Variants in KSR2 observed in about 807,000 individuals in gnomAD.
The protein encoded by KSR2 is kinase suppressor of ras 2.
In KSR2, 25 loss-of-function variants were observed where a neutral mutation model predicts 107.8. The ratio of observed to expected loss-of-function variants is 0.23; its 90% confidence interval spans 0.17 to 0.32. The LOEUF is 0.32. Ranked by LOEUF, KSR2 falls within the 10% of genes least tolerant of loss-of-function variation. KSR2 has a pLI of 1.00. For missense variants in KSR2, 887 were observed against 1,268.9 expected (o/e 0.70, Z 4.57); for synonymous variants, 480 against 507.0 (o/e 0.95, Z 0.71).
At chr12:117,471,485 C>T (rs796286817) in intron 17 of KSR2, among the ~76,000 whole-genome samples, 165 bp from the exon 18 acceptor site, 11 of 152,258 alleles carry the variant, frequency 7.2e-5, no homozygotes, top group African/African-American at 2.6e-4. Flanking sequence ...ATACCTAAAG[C>T]TTTCTTAATG....
intron 10 of KSR2, among the ~76,000 whole-genome samples, chr12:117,532,781 C>G (rs1050322500): frequency 6.6e-6 from 1 of 152,004 alleles, no homozygotes; most frequent in South Asian, 2.1e-4. Flanking sequence ...GGGGGCCAAG[C>G]GGTGTTGGGG....
intron 14 of KSR2, among the ~76,000 whole-genome samples, chr12:117,499,276 C>T (rs557766334): frequency 6.6e-4 from 101 of 152,332 alleles, no homozygotes; most frequent in Middle Eastern, 3.4e-3. Context: ...ATAGCCCCCA[C>T]GGTGTTAGCA....
rs1278010804 is a variant in KSR2, at chr12:117,886,676, G to A, written c.181-26245C>T. Among the ~76,000 whole-genome samples, 5 of 152,076 alleles carry A rather than the reference G, an allele frequency of 3.3e-5. No individual in the cohort carries two copies. In the East Asian group the frequency reaches 5.8e-4, roughly 18 times the overall value. ...CCCCGTCATTTAGCGACATATGACA[G>A]TATACATATAATTATATATAATATA... On this transcript the variant is annotated intron_variant, in intron 1 of 19. Coordinates refer to ENST00000339824, the MANE Select transcript of KSR2 (RefSeq NM_173598.6).
intron 5 of KSR2, among the ~76,000 whole-genome samples, chr12:117,624,833 T>A (rs1463671735): frequency 1.3e-5 from 2 of 152,222 alleles, no homozygotes; most frequent in Middle Eastern, 3.2e-3. Context: ...TTCCTATCCA[T>A]GAGCATGGAA....
rs374892097 is a variant in KSR2 at position 117,515,829 on chromosome 12, G to A, written c.2219+9023C>T. On this transcript the variant is annotated intron_variant, in intron 14 of 19. Coordinates refer to ENST00000339824, the MANE Select transcript of KSR2 (RefSeq NM_173598.6). ...TAATCCCAGCTGCTGGGGAGGCTAA[G>A]GCAGGAGAATTACTTGAATCCAGGA... Among the ~76,000 whole-genome samples, 28 of 152,340 alleles carry A rather than the reference G, an allele frequency of 1.8e-4. 1 individual carries two copies. In the South Asian group the frequency reaches 5.6e-3, roughly 30 times the overall value.
intron 11 of KSR2, 75 bp from the exon 12 acceptor site, chr12:117,531,088 G>T: frequency 8.2e-7 from 1 of 1,214,602 alleles, no homozygotes; most frequent in Non-Finnish European, 1.2e-6. Context: ...ATTCCTGGGC[G>T]ACATGGCAGC....
chr12:117,747,186 T>G (rs1888439768), intron 4 of KSR2, among the ~76,000 whole-genome samples: 6 of 152,176 alleles, frequency 3.9e-5, no homozygotes, highest in Admixed American at 3.9e-4. Flanking sequence ...CCAACCCAAA[T>G]GCCCATCAAT....
In KSR2 at chr12:117,563,810, T is replaced by C. The variant is rs368420324; in HGVS notation, c.1326-5237A>G. Among the ~76,000 whole-genome samples the C allele has an allele frequency of 3.3e-4, 50 of 152,134 alleles. No individual in the cohort carries two copies. In the South Asian group the frequency reaches 0.01, roughly 31 times the overall value. ...TCATGGGTGGCATGACCCAGAGGCA[T>C]GCTCATTTTAGGACTGCACCCCAAT... On this transcript the variant is annotated intron_variant, in intron 7 of 19. Transcript: ENST00000339824.
At position 117,848,971 on chromosome 12, in the gene KSR2, C is replaced by A. The variant is rs144232385; in HGVS notation, c.472+6457G>T. Among the ~76,000 whole-genome samples the A allele has an allele frequency of 2.0e-3, 297 of 152,270 alleles. 1 individual carries two copies. The highest frequency in any genetic ancestry group is 2.5e-3 in the Non-Finnish European group (171 of 68,028). On this transcript the variant is annotated intron_variant, in intron 3 of 19. Coordinates refer to ENST00000339824, the MANE Select transcript of KSR2 (RefSeq NM_173598.6). ...TGGCCCACATGATCATCATCCCCAT[C>A]CTGCTGCTTAGGAAACAAAGCACAG...
chr12:117,606,015 T>C (rs1403124227), intron 5 of KSR2, among the ~76,000 whole-genome samples: 5 of 151,998 alleles, frequency 3.3e-5, no homozygotes, highest in East Asian at 1.9e-4. Flanking sequence ...GATTCACCCA[T>C]AAAAGGAAGA....
chr12:117,507,584 C>T (rs899876792), intron 14 of KSR2, among the ~76,000 whole-genome samples: 1 of 152,164 alleles, frequency 6.6e-6, no homozygotes, highest in Non-Finnish European at 1.5e-5. Flanking sequence ...AAGCAAGGGC[C>T]GTGAAGGCTG....
chr12:117,812,842 C>CAAAAAAAAAAAAAAAAAAAAAA lies in KSR2; in HGVS notation c.472+42585_472+42586insTTTTTTTTTTTTTTTTTTTTTT, dbSNP rs3073170. 2.9e-4 allele frequency among the ~76,000 whole-genome samples: 28 copies of CAAAAAAAAAAAAAAAAAAAAAA among 95,530 alleles called. 1 individual carries two copies. Among genetic ancestry groups the CAAAAAAAAAAAAAAAAAAAAAA allele is most frequent in the East Asian group, 8.7e-4 (3 of 3,462 alleles). The allele number at this position is 95,530 out of a possible 152,430, so 62.7% of individuals were successfully genotyped here. ...GGAACCACAAAAGACCCCAAATAGC[C>CAAAAAAAAAAAAAAAAAAAAAA]AAAAAAAAAAAAAAAAATCATCCTG... is the stretch of plus-strand genomic sequence containing the variant. On this transcript the variant is annotated intron_variant, in intron 3 of 19. Transcript: ENST00000339824.
intron 5 of KSR2, among the ~76,000 whole-genome samples, chr12:117,584,053 T>C (rs1282189613): frequency 6.6e-6 from 1 of 152,142 alleles, no homozygotes; most frequent in East Asian, 1.9e-4. Flanking sequence ...TTTCCAGAAA[T>C]CCCAATTCTG....
At chr12:117,627,831 G>A (rs555041058) in intron 5 of KSR2, among the ~76,000 whole-genome samples, 2 of 152,230 alleles carry the variant, frequency 1.3e-5, no homozygotes, top group East Asian at 1.9e-4. Flanking sequence ...ATCACTCTCA[G>A]GTACACCAAT....
In KSR2 at chr12:117,485,643, G is replaced by A. The variant is rs1872420029; in HGVS notation, c.2268C>T (p.Ile756=). 1.9e-6 allele frequency: 3 copies of A among 1,613,596 alleles called. No homozygotes were observed. The highest frequency in any genetic ancestry group is 4.5e-5 in the East Asian group (2 of 44,880). The part of the protein sequence containing the change: ...TLYSVVRDAK[I]VLDVNKTRQI... ...GCCTGGTTTTGTTGACATCCAAAAC[G>A]ATTTTGGCATCCCTCACAACGGAAT... The change falls in exon 15 of 20, where the codon ATC becomes ATT. Residue 756 remains isoleucine (I), a synonymous_variant. Coordinates refer to ENST00000339824, the MANE Select transcript of KSR2 (RefSeq NM_173598.6).
intron 1 of KSR2, among the ~76,000 whole-genome samples, chr12:117,860,830 G>A (rs1377226114): frequency 4.6e-5 from 7 of 151,870 alleles, no homozygotes; most frequent in Admixed American, 2.6e-4. Flanking sequence ...GCAATTCTCC[G>A]GCCTCAGCCT....
intron 4 of KSR2, among the ~76,000 whole-genome samples, chr12:117,743,084 G>A (rs953137103): frequency 2.6e-5 from 4 of 152,178 alleles, no homozygotes; most frequent in Non-Finnish European, 4.4e-5. Context: ...AAGAGCATCC[G>A]ACCTCCAGCT....
At chr12:117,732,874 C>T (rs2136741800) in intron 4 of KSR2, among the ~76,000 whole-genome samples, 1 of 152,228 alleles carries the variant, frequency 6.6e-6, no homozygotes, top group Non-Finnish European at 1.5e-5. Context: ...GCCAGGAGGC[C>T]ATGAGAGGAG....
chr12:117,593,359 A>G (rs1281632764), intron 5 of KSR2, among the ~76,000 whole-genome samples: 1 of 152,186 alleles, frequency 6.6e-6, no homozygotes, highest in African/African-American at 2.4e-5. Flanking sequence ...AAATAAACCA[A>G]CAGAAACAGC....
Sources: gnomAD v4.1 joint callset for allele counts (sites outside exome capture counted in the v4.1 genomes callset) on GRCh38, gnomAD v4.1.1 for gene constraint, MANE v1.5 for transcripts, NCBI Gene and HGNC (gene_info 2026-07-23, HGNC 2026-07-21) for gene names.